The following TSPAN5 variants were observed in gnomAD, a reference collection of about 807,000 sequenced individuals.
TSPAN5 encodes tetraspanin 5.
TSPAN5 carries 10 observed loss-of-function variants against 37.1 expected under a neutral mutation model. That is an observed-to-expected ratio of 0.27 (90% confidence interval 0.17 to 0.46). The LOEUF is 0.46. TSPAN5 is among the 20% of genes least tolerant of loss of function. TSPAN5 has a pLI of 1.00. For synonymous variants in TSPAN5, 110 were observed against 118.9 expected (o/e 0.93, Z 0.48); for missense variants, 195 against 326.6 (o/e 0.60, Z 3.11).
At chr4:98,609,651 T>C (rs1223351308) in intron 1 of TSPAN5, among the ~76,000 whole-genome samples, 2 of 152,140 alleles carry the variant, frequency 1.3e-5, no homozygotes, top group East Asian at 3.9e-4. Context: ...TTGCAATGTA[T>C]TGAAGGACAA....
chr4:98,493,880 GA>G (rs983757791), intron 2 of TSPAN5, among the ~76,000 whole-genome samples: 1 of 152,032 alleles, frequency 6.6e-6, no homozygotes, highest in Admixed American at 6.6e-5. Context: ...AAAGTTGAAA[GA>G]AAAAAATATA....
In TSPAN5 at chr4:98,472,583, A is replaced by C. The variant is rs1013337450; in HGVS notation, c.746T>G (p.Phe249Cys). The C allele has an allele frequency of 1.2e-5, 20 of 1,613,378 alleles. No individual in the cohort carries two copies. Among genetic ancestry groups the C allele is most frequent in the Non-Finnish European group, 1.7e-5 (20 of 1,179,760 alleles). ...CAAATTCTGGGCCAGGCATATCCCA[A>C]ATATCTGAGAAAGGAAGAAAATGTG... ...IFIGIALLQI[F>C]GICLAQNLVS... The change falls in exon 8 of 8, where the codon TTT (phenylalanine) becomes TGT (cysteine). Residue 249 changes from phenylalanine (F) to cysteine (C), a missense_variant. Transcript: ENST00000305798.
At chr4:98,575,358 G>A (rs192221905) in intron 1 of TSPAN5, among the ~76,000 whole-genome samples, 93 of 150,818 alleles carry the variant, frequency 6.2e-4, no homozygotes, top group African/African-American at 1.9e-3. Context: ...ACAGGCTGGC[G>A]GGCTCTTTTT....
At chr4:98,572,335 CAG>C (rs1457608754) in intron 1 of TSPAN5, among the ~76,000 whole-genome samples, 1 of 152,150 alleles carries the variant, frequency 6.6e-6, no homozygotes, top group African/African-American at 2.4e-5. Context: ...AATCTACAAA[CAG>C]GGAGAACAAA....
At chr4:98,560,095 A>T (rs1273693159) in intron 1 of TSPAN5, 2 of 152,190 alleles carry the variant, frequency 1.3e-5, no homozygotes, top group Non-Finnish European at 2.9e-5. Flanking sequence ...GTAGATTCTA[A>T]ATTCCAATCA....
intron 1 of TSPAN5, among the ~76,000 whole-genome samples, chr4:98,598,557 C>T (rs919161151): frequency 3.3e-5 from 5 of 152,206 alleles, no homozygotes; most frequent in South Asian, 2.1e-4. Context: ...CTCCACCTCC[C>T]GGGCTCAAGC....
chr4:98,647,865 T>TAAA (rs59286533), intron 1 of TSPAN5, among the ~76,000 whole-genome samples: 3 of 143,346 alleles, frequency 2.1e-5, no homozygotes, highest in African/African-American at 2.5e-5. Flanking sequence ...TTGTTTTGTT[T>TAAA]AAAAAAAAAA....
At chr4:98,619,811 C>A (rs1579035280) in intron 1 of TSPAN5, among the ~76,000 whole-genome samples, 1 of 152,258 alleles carries the variant, frequency 6.6e-6, no homozygotes, top group Admixed American at 6.5e-5. Flanking sequence ...GCAGATTCAG[C>A]GTCTGGCGAG....
intron 1 of TSPAN5, among the ~76,000 whole-genome samples, chr4:98,600,206 C>A (rs1247628056): frequency 6.6e-6 from 1 of 152,154 alleles, no homozygotes; most frequent in Non-Finnish European, 1.5e-5. Flanking sequence ...ACATCGTAAT[C>A]TTTTTGCTGG....
intron 1 of TSPAN5, among the ~76,000 whole-genome samples, chr4:98,652,147 C>T (rs1757204081): frequency 1.3e-5 from 2 of 152,036 alleles, no homozygotes; most frequent in South Asian, 4.1e-4. Flanking sequence ...GGTGTAAGCC[C>T]CCAAGCCTGG....
At chr4:98,611,254 G>T (rs143890934) in intron 1 of TSPAN5, among the ~76,000 whole-genome samples, 301 of 152,294 alleles carry the variant, frequency 2.0e-3, no homozygotes, top group African/African-American at 6.8e-3. Flanking sequence ...CCTGAAACAA[G>T]CCTCTAATTT....
intron 1 of TSPAN5, among the ~76,000 whole-genome samples, chr4:98,650,555 C>A (rs76201340): frequency 0.035 from 5,377 of 152,214 alleles, 329 homozygotes; most frequent in African/African-American, 0.12. Flanking sequence ...AGAGGAAAAA[C>A]TAAACCCTGT....
At chr4:98,579,969 G>A (rs6833529) in intron 1 of TSPAN5, among the ~76,000 whole-genome samples, 22,277 of 151,976 alleles carry the variant, frequency 0.15, 1,861 homozygotes, top group South Asian at 0.22. Context: ...AAGAATGAAC[G>A]TATCATATAT....
At chr4:98,521,572 G>A (rs1183639126) in intron 1 of TSPAN5, among the ~76,000 whole-genome samples, 1 of 152,202 alleles carries the variant, frequency 6.6e-6, no homozygotes, top group East Asian at 1.9e-4. Flanking sequence ...CACTGTGGCA[G>A]GATAACTTGT....
chr4:98,481,868 TAAAC>T (rs1023620432), intron 4 of TSPAN5, 133 bp downstream of exon 4: 71 of 813,234 alleles, frequency 8.7e-5, no homozygotes, highest in South Asian at 1.0e-4. Context: ...CGGAAAATAA[TAAAC>T]AAACAAACAA....
intron 1 of TSPAN5, among the ~76,000 whole-genome samples, chr4:98,513,097 G>A (rs1753646306): frequency 6.6e-6 from 1 of 152,190 alleles, no homozygotes; most frequent in Non-Finnish European, 1.5e-5. Context: ...GTTTCAGGCA[G>A]AGCAGAATGT....
chr4:98,482,284 C>T (rs1024093741), intron 3 of TSPAN5, 109 bp from the exon 4 acceptor site: 4 of 920,950 alleles, frequency 4.3e-6, no homozygotes, highest in South Asian at 3.6e-5. Flanking sequence ...GATTGTTACA[C>T]ATCTCCAAAG....
At chr4:98,646,173 A>G (rs752459552) in intron 1 of TSPAN5, among the ~76,000 whole-genome samples, 1 of 152,078 alleles carries the variant, frequency 6.6e-6, no homozygotes, top group African/African-American at 2.4e-5. Flanking sequence ...TGAGTCTCTC[A>G]TTCACCAAGA....
intron 3 of TSPAN5, 180 bp downstream of exon 3, chr4:98,486,558 T>C (rs1175763251): frequency 4.8e-6 from 3 of 625,548 alleles, no homozygotes; most frequent in African/African-American, 3.7e-5. Flanking sequence ...GTTGTACTTA[T>C]TAAGGAGGCA....
Sources: allele counts gnomAD v4.1 joint callset (sites outside exome capture counted in the v4.1 genomes callset), GRCh38; gene constraint gnomAD v4.1.1; transcripts MANE v1.5; gene names NCBI Gene and HGNC (gene_info 2026-07-23, HGNC 2026-07-21).